SLIT3: variants seen among roughly 807,000 people sequenced by gnomAD.
The protein encoded by SLIT3 is slit guidance ligand 3.
Under a neutral mutation model 184.0 loss-of-function variants are expected in SLIT3, and 68 were observed. That is an observed-to-expected ratio of 0.37 (90% CI 0.30 to 0.45). SLIT3 has a LOEUF of 0.45. SLIT3 is among the 20% of genes least tolerant of loss of function. SLIT3 has a pLI of 1.00. For missense variants in SLIT3, 1,707 were observed against 2,026.0 expected (o/e 0.84, Z 3.02); for synonymous variants, 831 against 828.6 (o/e 1.00, Z -0.05).
intron 3 of SLIT3, among the ~76,000 whole-genome samples, chr5:169,201,620 CA>C (rs1195698300): frequency 6.6e-6 from 1 of 152,180 alleles, no homozygotes; most frequent in Non-Finnish European, 1.5e-5. Context: ...AAATGAACTC[CA>C]AAATCTCAGT....
At chr5:168,709,709 A>G (rs142491804) in intron 25 of SLIT3, among the ~76,000 whole-genome samples, 15 of 145,442 alleles carry the variant, frequency 1.0e-4, no homozygotes, top group African/African-American at 4.3e-4. Flanking sequence ...ATATATCAAA[A>G]TAAGTATTAA....
chr5:169,216,884 G>A (rs546317731), intron 3 of SLIT3, among the ~76,000 whole-genome samples: 14 of 152,242 alleles, frequency 9.2e-5, no homozygotes, highest in East Asian at 5.8e-4. Context: ...GTATTGCTAC[G>A]GGGAGATGCG....
chr5:168,673,395 G>A (rs1761314899), intron 32 of SLIT3, 64 bp from the exon 33 acceptor site: 2 of 1,489,822 alleles, frequency 1.3e-6, no homozygotes, highest in Admixed American at 3.7e-5. Flanking sequence ...GCTGGGCCCT[G>A]TGCTGTGGAC....
chr5:168,712,507 C>A, intron 23 of SLIT3, 153 bp from the exon 24 acceptor site: 1 of 662,484 alleles, frequency 1.5e-6, no homozygotes. Flanking sequence ...GCTCTGGGTG[C>A]ATGAATGTTC....
chr5:168,762,788 G>A (rs2113508096), intron 14 of SLIT3, 99 bp from the exon 15 acceptor site: 1 of 1,196,398 alleles, frequency 8.4e-7, no homozygotes, highest in Non-Finnish European at 1.2e-6. Context: ...GGGGGAATGA[G>A]TTGGGGGCTG....
intron 4 of SLIT3, among the ~76,000 whole-genome samples, chr5:169,053,087 C>A (rs1757870907): frequency 6.6e-6 from 1 of 152,236 alleles, no homozygotes; most frequent in Non-Finnish European, 1.5e-5. Context: ...CCTGTAGGGT[C>A]TGCTGCTTCC....
At chr5:168,920,594 A>G (rs1313483574) in intron 4 of SLIT3, among the ~76,000 whole-genome samples, 1 of 152,114 alleles carries the variant, frequency 6.6e-6, no homozygotes, top group African/African-American at 2.4e-5. Context: ...GCGTCTTTCC[A>G]GCCGGTGTGA....
intron 19 of SLIT3, 61 bp from the exon 20 acceptor site, chr5:168,748,495 G>A: frequency 6.8e-7 from 1 of 1,465,054 alleles, no homozygotes; most frequent in Non-Finnish European, 9.0e-7. Context: ...GGGGGAGCCA[G>A]TGAGCAAGGC....
At chr5:169,277,303 T>C (rs1766842793) in intron 1 of SLIT3, among the ~76,000 whole-genome samples, 1 of 152,214 alleles carries the variant, frequency 6.6e-6, no homozygotes, top group South Asian at 2.1e-4. Flanking sequence ...TGATCATGGC[T>C]CACCATAGCC....
At chr5:168,875,656 A>G (rs527990648) in intron 5 of SLIT3, among the ~76,000 whole-genome samples, 1 of 151,960 alleles carries the variant, frequency 6.6e-6, no homozygotes, top group African/African-American at 2.4e-5. Flanking sequence ...AAGAAGAAGA[A>G]GAAAGAGAAG....
chr5:168,953,260 T>A (rs1163132231), intron 4 of SLIT3, among the ~76,000 whole-genome samples: 1 of 152,206 alleles, frequency 6.6e-6, no homozygotes, highest in Admixed American at 6.5e-5. Flanking sequence ...AGCAAATCAG[T>A]GCGACCTTCA....
rs202240147 is a variant in SLIT3, at chr5:168,687,003, G to A, written c.3290C>T (p.Thr1097Ile). 1 of 1,614,206 alleles carries A rather than the reference G, an allele frequency of 6.2e-7. No homozygotes were observed. The highest frequency in any genetic ancestry group is 8.5e-7 in the Non-Finnish European group (1 of 1,179,996). Residue 1097 changes from threonine to isoleucine, a missense_variant, in exon 30 of 36, where the codon ACA becomes ATA. Thr to Ile is a moderately conservative substitution (Grantham distance 89). This residue lies in a region of SLIT3 where 1,307 missense variants were observed against 1,511.6 expected (regional missense o/e 0.86). Transcript: ENST00000519560. Reference protein sequence around the residue: ...AQCVDTINGYTCTCPQGFSGP... With the variant: ...AQCVDTINGYICTCPQGFSGP... The stretch of plus-strand genomic sequence containing the variant: ...CCTGAAGCCCTGGGGGCAGGTGCAT[G>A]TGTAGCCATTGATTGTGTCCACGCA...
chr5:169,141,394 A>AC lies in SLIT3; in HGVS notation c.413+52084dup, dbSNP rs1256859779. Among the ~76,000 whole-genome samples the AC allele has an allele frequency of 9.1e-4, 138 of 151,244 alleles. 5 individuals are homozygous for AC. Among genetic ancestry groups the AC allele is most frequent in the African/African-American group, 3.2e-3 (134 of 41,260 alleles). ...TTTGTCCAGGCCTGAGACCTCAGAG[A>AC]CTGTAAGATTTTTTTTTGTTGTTTG... On this transcript the variant is annotated intron_variant, in intron 4 of 35. Coordinates refer to ENST00000519560, the MANE Select transcript of SLIT3 (RefSeq NM_003062.4).
At chr5:168,880,388 T>C (rs1385462218) in intron 5 of SLIT3, among the ~76,000 whole-genome samples, 1 of 152,220 alleles carries the variant, frequency 6.6e-6, no homozygotes, top group African/African-American at 2.4e-5. Flanking sequence ...CACACTCTTC[T>C]GCCCCAGATC....
chr5:168,691,529 T>A (rs1761905298), intron 29 of SLIT3, among the ~76,000 whole-genome samples: 1 of 152,224 alleles, frequency 6.6e-6, no homozygotes, highest in Non-Finnish European at 1.5e-5. Flanking sequence ...AGGCTGGAGA[T>A]GCCACTGGTG....
At chr5:168,681,834 T>C (rs1421239827) in intron 32 of SLIT3, among the ~76,000 whole-genome samples, 1 of 152,232 alleles carries the variant, frequency 6.6e-6, no homozygotes, top group Non-Finnish European at 1.5e-5. Context: ...TTTCACCTTC[T>C]GTCCTTGACA....
chr5:168,770,873 T>C (rs894732192), intron 14 of SLIT3, among the ~76,000 whole-genome samples: 5 of 152,084 alleles, frequency 3.3e-5, no homozygotes, highest in Admixed American at 1.3e-4. Context: ...TCCTACTTAG[T>C]TCTTTCTATA....
intron 4 of SLIT3, among the ~76,000 whole-genome samples, chr5:169,004,817 C>T (rs916506741): frequency 3.3e-5 from 5 of 152,218 alleles, no homozygotes; most frequent in East Asian, 1.9e-4. Context: ...GGCCATGTGA[C>T]GATACAGCTA....
intron 20 of SLIT3, 63 bp downstream of exon 20, chr5:168,748,239 A>G (rs1754559935): frequency 7.1e-7 from 1 of 1,414,928 alleles, no homozygotes. Context: ...TCTGGGGTAA[A>G]GTATGGAGGA....
Sources: gnomAD v4.1 joint callset for allele counts (sites outside exome capture counted in the v4.1 genomes callset) on GRCh38, gnomAD v4.1.1 for gene constraint, gnomAD v4.1.1 regional missense constraint, MANE v1.5 for transcripts, NCBI Gene and HGNC (gene_info 2026-07-23, HGNC 2026-07-21) for gene names.